The following JAK2 variants were observed in gnomAD, a reference collection of about 807,000 sequenced individuals.
JAK2 encodes the protein tyrosine-protein kinase JAK2.
In JAK2, 86 loss-of-function variants were observed where a neutral mutation model predicts 139.3. That is an observed-to-expected ratio of 0.62 (90% CI 0.52 to 0.74). JAK2 has a LOEUF of 0.74. JAK2 is among the 30% of genes least tolerant of loss of function. The pLI is 0.00. For synonymous variants in JAK2, 490 were observed against 437.7 expected (o/e 1.12, Z -1.49); for missense variants, 1,421 against 1,360.3 (o/e 1.04, Z -0.70).
chr9:5,107,587 CAAAAG>C (rs1822068017), intron 22 of JAK2, among the ~76,000 whole-genome samples: 1 of 152,020 alleles, frequency 6.6e-6, no homozygotes. Flanking sequence ...TAGTTTAAGT[CAAAAG>C]AAATGATTTC....
At chr9:5,083,450 C>T (rs1563986801) in intron 19 of JAK2, among the ~76,000 whole-genome samples, 1 of 152,202 alleles carries the variant, frequency 6.6e-6, no homozygotes, top group Non-Finnish European at 1.5e-5. Flanking sequence ...TTCCTAAATT[C>T]ATATTTTCCT....
intron 22 of JAK2, chr9:5,097,346 A>G (rs1821081268): frequency 6.6e-6 from 1 of 152,154 alleles, no homozygotes; most frequent in Non-Finnish European, 1.5e-5. Flanking sequence ...CCTATCTTAT[A>G]TCAACATTTA....
chr9:5,018,210 T>C (rs1587832135), intron 2 of JAK2, among the ~76,000 whole-genome samples: 1 of 152,252 alleles, frequency 6.6e-6, no homozygotes, highest in East Asian at 1.9e-4. Context: ...TTGTGGTTTG[T>C]TGGTTTTCTA....
At position 5,029,910 on chromosome 9, in the gene JAK2, C is replaced by G; in HGVS notation, c.350+4C>G. The G allele has an allele frequency of 6.3e-7, 1 of 1,575,314 alleles. No individual in the cohort carries two copies. Among genetic ancestry groups the G allele is most frequent in the Non-Finnish European group, 8.6e-7 (1 of 1,166,528 alleles). ...ATAATGTACTCTACAGAATAAGGTA[C>G]TTTCTTCAGTAAAGTAACTCACTTA... On this transcript the variant is annotated splice_donor_region_variant and intron_variant, in intron 4 of 24. Transcript: ENST00000381652.
At chr9:5,040,783 C>G (rs1051185079) in intron 4 of JAK2, among the ~76,000 whole-genome samples, 4 of 152,218 alleles carry the variant, frequency 2.6e-5, no homozygotes, top group Non-Finnish European at 4.4e-5. Flanking sequence ...CCTTAACATG[C>G]GGTGGCTGGC....
Position 5,069,924 on chromosome 9 carries a change from G to A in JAK2, c.1514-1G>A. The A allele has an allele frequency of 6.3e-7, 1 of 1,582,340 alleles. No homozygotes were observed. The highest frequency in any genetic ancestry group is 8.6e-7 in the Non-Finnish European group (1 of 1,159,814). On this transcript the variant is annotated splice_acceptor_variant, in intron 11 of 24. Coordinates refer to ENST00000381652, the MANE Select transcript of JAK2 (RefSeq NM_004972.4). LOFTEE classifies it high-confidence loss of function. ...GATATATATGTATTTTATTTTTTCA[G>A]ATAAATCAAACCTTCTAGTCTTCAG... is the stretch of plus-strand genomic sequence containing the variant.
At chr9:4,991,695 A>G (rs948301881) in intron 2 of JAK2, among the ~76,000 whole-genome samples, 3 of 37,338 alleles carry the variant, frequency 8.0e-5, no homozygotes, top group African/African-American at 3.2e-4. Flanking sequence ...CCACCCCCCC[A>G]CCCCACATCT....
chr9:5,050,727 G>A lies in JAK2; in HGVS notation c.510G>A (p.Val170=), dbSNP rs938949467. The change falls in exon 6 of 25, where the codon GTG becomes GTA. Residue 170 remains valine, a synonymous_variant. Coordinates refer to ENST00000381652, the MANE Select transcript of JAK2 (RefSeq NM_004972.4). The part of the protein sequence containing the change: ...DFVHGWIKVP[V]THETQEECLG... ...TGCACGGATGGATAAAAGTACCTGT[G>A]ACTCATGAAACACAGGAAGAATGTC... is the stretch of plus-strand genomic sequence containing the variant. 6.2e-7 allele frequency: 1 copy of A among 1,613,824 alleles called. No homozygotes were observed. The highest frequency in any genetic ancestry group is 1.7e-5 in the Admixed American group (1 of 59,976).
intron 19 of JAK2, among the ~76,000 whole-genome samples, chr9:5,083,647 T>C (rs1018898158): frequency 1.3e-5 from 2 of 152,178 alleles, no homozygotes; most frequent in Non-Finnish European, 1.5e-5. Context: ...GCACACAATT[T>C]TGTCATATAT....
chr9:5,017,920 G>A (rs1822179933), intron 2 of JAK2, among the ~76,000 whole-genome samples: 2 of 152,130 alleles, frequency 1.3e-5, no homozygotes, highest in African/African-American at 4.8e-5. Flanking sequence ...CTTAAAGTCT[G>A]TTGTATCTGA....
chr9:5,094,750 AAT>A (rs1820853089), intron 22 of JAK2: 2 of 152,192 alleles, frequency 1.3e-5, no homozygotes, highest in Admixed American at 1.3e-4. Flanking sequence ...TTTATAGCAG[AAT>A]ATATGAATAT....
intron 13 of JAK2, among the ~76,000 whole-genome samples, chr9:5,073,014 T>C (rs187314055): frequency 4.6e-5 from 7 of 152,126 alleles, no homozygotes; most frequent in Non-Finnish European, 8.8e-5. Context: ...CTTAGTGAAA[T>C]CTAGATGCCT....
intron 22 of JAK2, chr9:5,096,828 A>T (rs752889730): frequency 5.3e-5 from 8 of 152,180 alleles, no homozygotes; most frequent in Non-Finnish European, 8.8e-5. Flanking sequence ...CCAGATCTAT[A>T]ATGTTATTGT....
At chr9:5,057,579 T>C (rs998899560) in intron 8 of JAK2, among the ~76,000 whole-genome samples, 19 of 125,582 alleles carry the variant, frequency 1.5e-4, no homozygotes, top group South Asian at 2.5e-4. Flanking sequence ...CATTCTACTT[T>C]CTTTTTTTTT....
intron 2 of JAK2, among the ~76,000 whole-genome samples, chr9:5,006,060 A>G (rs1235317875): frequency 6.6e-6 from 1 of 152,196 alleles, no homozygotes; most frequent in East Asian, 1.9e-4. Flanking sequence ...TGGGGATGGC[A>G]TTGAATCTAT....
rs1249638025 is a variant in JAK2, at chr9:5,127,982, A to C, written c.*1191A>C. 2 of 231,548 alleles carry C rather than the reference A, an allele frequency of 8.6e-6. No homozygotes were observed. The highest frequency in any genetic ancestry group is 1.7e-5 in the Non-Finnish European group (2 of 117,088). The allele number at this position is 231,548 out of a possible 1,614,324, so 14.3% of individuals were successfully genotyped here. On this transcript the variant is annotated 3_prime_UTR_variant, in exon 25 of 25. Coordinates refer to ENST00000381652, the MANE Select transcript of JAK2 (RefSeq NM_004972.4). ...TTAAGAAAAATGAGCATACATCTTAAATCTTTTCAATTAAGTATAAGGGGT... is the reference window on the plus strand; with the variant it reads ...TTAAGAAAAATGAGCATACATCTTACATCTTTTCAATTAAGTATAAGGGGT...
intron 19 of JAK2, chr9:5,085,303 A>C: frequency 1.4e-6 from 1 of 731,140 alleles, no homozygotes. Context: ...ACATGAGGTG[A>C]AGTCGAATAC....
chr9:5,027,885 C>G (rs1424627006), intron 3 of JAK2, among the ~76,000 whole-genome samples: 4 of 152,126 alleles, frequency 2.6e-5, no homozygotes, highest in Admixed American at 2.6e-4. Context: ...AATTTTAGTT[C>G]TCTTGTTACT....
chr9:5,016,390 A>C lies in JAK2; in HGVS notation c.-25-5573A>C, dbSNP rs141204656. On this transcript the variant is annotated intron_variant, in intron 2 of 24. Transcript: ENST00000381652. ...TGTTAGATGAGGAGGGACACCACAG[A>C]CTGTGTATGTGTGTGTGTTGAGGGC... Among the ~76,000 whole-genome samples, 1,330 of 152,230 alleles carry C rather than the reference A, an allele frequency of 8.7e-3. 25 individuals carry two copies. Among genetic ancestry groups the C allele is most frequent in the Admixed American group, 0.035 (531 of 15,278 alleles).
Sources: gnomAD v4.1 joint callset for allele counts (sites outside exome capture counted in the v4.1 genomes callset) on GRCh38, gnomAD v4.1.1 for gene constraint, MANE v1.5 for transcripts, NCBI Gene and HGNC (gene_info 2026-07-23, HGNC 2026-07-21) for gene names.